The following SGK3 variants were observed in gnomAD, a reference collection of about 807,000 sequenced individuals.
SGK3 encodes serum/glucocorticoid regulated kinase family member 3.
Under a neutral mutation model 68.5 loss-of-function variants are expected in SGK3, and 47 were observed. The observed-to-expected ratio is 0.69, with a 90% CI of 0.54 to 0.87. The LOEUF is 0.87. Ranked by LOEUF, SGK3 falls within the 40% of genes least tolerant of loss-of-function variation. The pLI, the probability that SGK3 is intolerant of heterozygous loss-of-function variation, is 0.00. For synonymous variants in SGK3, 181 were observed against 189.1 expected, an observed-to-expected ratio of 0.96 and a Z score of 0.35; for missense variants, 479 against 575.5, an observed-to-expected ratio of 0.83 and a Z score of 1.72.
intron 2 of SGK3, among the ~76,000 whole-genome samples, chr8:66,796,785 G>C (rs1027596247): frequency 2.0e-5 from 3 of 152,044 alleles, no homozygotes; most frequent in Non-Finnish European, 4.4e-5. Flanking sequence ...AGATACAGTG[G>C]AACAAGAGTG....
At chr8:66,805,095 T>A (rs1401426594) in intron 4 of SGK3, among the ~76,000 whole-genome samples, 1 of 151,722 alleles carries the variant, frequency 6.6e-6, no homozygotes, top group Non-Finnish European at 1.5e-5. Context: ...TTTTAATTGA[T>A]CCTTCAGGTT....
intron 16 of SGK3, among the ~76,000 whole-genome samples, chr8:66,854,823 T>C (rs138539252): frequency 1.3e-5 from 2 of 152,290 alleles, no homozygotes; most frequent in East Asian, 3.9e-4. Context: ...TGATATGCAT[T>C]GCCTTGGTTC....
At chr8:66,831,344 T>C in intron 8 of SGK3, 33 bp downstream of exon 8, 2 of 1,610,446 alleles carry the variant, frequency 1.2e-6, no homozygotes, top group East Asian at 4.5e-5. Context: ...TTATTTGGTT[T>C]TGGTTTTGGT....
chr8:66,859,730 T>C lies in SGK3; in HGVS notation c.*149T>C, dbSNP rs1810683635. On this transcript the variant is annotated 3_prime_UTR_variant, in exon 17 of 17. Transcript: ENST00000521198. ...CTATGAAAAAATGTATTTTCTTCTA[T>C]GTGCAAGAAAAATAGGGCATTTCAA... The C allele has an allele frequency of 8.4e-6, 8 of 951,116 alleles. No individual in the cohort carries two copies. Among genetic ancestry groups the C allele is most frequent in the Non-Finnish European group, 4.2e-6 (3 of 710,840 alleles). 58.9% of individuals were successfully genotyped at this position (951,116 alleles called of 1,614,324 possible). A position where few individuals can be genotyped will look rare whatever the true frequency, so the allele number is the denominator to read the frequency against.
chr8:66,729,905 C>T (rs886484497), intron 1 of SGK3, among the ~76,000 whole-genome samples: 1 of 152,032 alleles, frequency 6.6e-6, no homozygotes, highest in African/African-American at 2.4e-5. Context: ...CCACCACACC[C>T]AGCTAATTTT....
chr8:66,724,736 T>C (rs1220266660), intron 1 of SGK3, among the ~76,000 whole-genome samples: 1 of 152,226 alleles, frequency 6.6e-6, no homozygotes, highest in Non-Finnish European at 1.5e-5. Context: ...TGCTACCTTT[T>C]GTGTAGAAAG....
intron 1 of SGK3, among the ~76,000 whole-genome samples, chr8:66,768,672 C>T (rs927985675): frequency 2.2e-4 from 34 of 152,192 alleles, no homozygotes; most frequent in African/African-American, 8.0e-4. Flanking sequence ...TCAAGTGATT[C>T]TCCTGCCTCA....
At chr8:66,847,084 G>A (rs1810061370) in intron 14 of SGK3, 109 bp from the exon 15 acceptor site, 6 of 1,471,456 alleles carry the variant, frequency 4.1e-6, no homozygotes, top group Non-Finnish European at 5.4e-6. Context: ...GTCCCAAGAG[G>A]TCCATACATT....
chr8:66,730,751 C>T (rs769090056), intron 1 of SGK3, among the ~76,000 whole-genome samples: 2 of 152,080 alleles, frequency 1.3e-5, no homozygotes, highest in Non-Finnish European at 2.9e-5. Context: ...GGTCTCAGCT[C>T]ACTGCAGCCT....
At chr8:66,722,894 C>T (rs1804836257) in intron 1 of SGK3, among the ~76,000 whole-genome samples, 1 of 151,374 alleles carries the variant, frequency 6.6e-6, no homozygotes. Flanking sequence ...GTGAAGGTGC[C>T]ACACACTTTT....
At chr8:66,741,844 A>T (rs890895221) in intron 1 of SGK3, among the ~76,000 whole-genome samples, 2 of 152,244 alleles carry the variant, frequency 1.3e-5, no homozygotes, top group Non-Finnish European at 2.9e-5. Context: ...AATAATCAAG[A>T]TCAACATAGC....
At chr8:66,718,263 G>A (rs1269394725) in intron 1 of SGK3, among the ~76,000 whole-genome samples, 1 of 144,038 alleles carries the variant, frequency 6.9e-6, no homozygotes, top group African/African-American at 2.6e-5. Context: ...GACCTCAAGT[G>A]ATCTGCCCAC....
chr8:66,816,380 C>G (rs1288048969), intron 5 of SGK3, among the ~76,000 whole-genome samples: 3 of 119,972 alleles, frequency 2.5e-5, no homozygotes, highest in Non-Finnish European at 4.9e-5. Context: ...GAGTCTTGCT[C>G]TGTAGCCCAG....
At chr8:66,777,444 G>T (rs752014295) in intron 1 of SGK3, among the ~76,000 whole-genome samples, 1 of 152,046 alleles carries the variant, frequency 6.6e-6, no homozygotes, top group Non-Finnish European at 1.5e-5. Context: ...AATTATTTAC[G>T]CCAATTCACT....
At chr8:66,741,791 T>C (rs1183012768) in intron 1 of SGK3, among the ~76,000 whole-genome samples, 1 of 152,240 alleles carries the variant, frequency 6.6e-6, no homozygotes, top group East Asian at 1.9e-4. Context: ...TTATTGAGTG[T>C]CCCCCAAGGG....
intron 1 of SGK3, among the ~76,000 whole-genome samples, chr8:66,749,484 C>T (rs576409451): frequency 1.3e-5 from 2 of 152,212 alleles, no homozygotes; most frequent in South Asian, 4.1e-4. Context: ...GCTAGTTTTT[C>T]GCTAGTACGA....
intron 1 of SGK3, among the ~76,000 whole-genome samples, chr8:66,740,293 A>T (rs1268463124): frequency 3.3e-5 from 5 of 152,212 alleles, no homozygotes; most frequent in African/African-American, 4.8e-5. Context: ...AAAGAATAAG[A>T]AAAATGTGAT....
chr8:66,832,339 G>T (rs1585784663), intron 8 of SGK3, among the ~76,000 whole-genome samples: 1 of 152,234 alleles, frequency 6.6e-6, no homozygotes, highest in East Asian at 1.9e-4. Flanking sequence ...TAGTAAAAAT[G>T]GAATATGTAT....
chr8:66,766,259 A>AC (rs1044550767), intron 1 of SGK3, among the ~76,000 whole-genome samples: 2 of 151,990 alleles, frequency 1.3e-5, no homozygotes, highest in African/African-American at 4.8e-5. Context: ...GTGGTGGCTC[A>AC]CACCTGTAAT....
Sources: allele counts gnomAD v4.1 joint callset (sites outside exome capture counted in the v4.1 genomes callset), GRCh38; gene constraint gnomAD v4.1.1; transcripts MANE v1.5; gene names NCBI Gene and HGNC (gene_info 2026-07-23, HGNC 2026-07-21).